The following CDKL3 variants were observed in gnomAD, a reference collection of about 807,000 sequenced individuals.
CDKL3 encodes the protein cyclin dependent kinase like 3.
CDKL3 carries 65 observed loss-of-function variants against 69.3 expected under a neutral mutation model. That is an observed-to-expected ratio of 0.94 (90% CI 0.77 to 1.15). CDKL3 has a LOEUF of 1.15. Among genes scored for constraint, CDKL3 ranks in the 50% most tolerant of loss-of-function variants. The pLI is 0.00. For missense variants in CDKL3, 652 were observed against 689.2 expected (o/e 0.95, Z 0.61); for synonymous variants, 202 against 221.6 (o/e 0.91, Z 0.79).
chr5:134,371,456 A>C (rs570353315), upstream of CDKL3: 4 of 1,025,278 alleles, frequency 3.9e-6, no homozygotes, highest in East Asian at 2.9e-5. Flanking sequence ...ACGTCATTGC[A>C]GGGTTGTTTG....
At chr5:134,362,796 G>A (rs1481484391) in intron 2 of CDKL3, among the ~76,000 whole-genome samples, 4 of 151,926 alleles carry the variant, frequency 2.6e-5, no homozygotes, top group African/African-American at 7.3e-5. Flanking sequence ...GGGCGTGGTC[G>A]TACGTGCCTG....
Position 134,308,097 on chromosome 5 carries a change from G to A in CDKL3, c.1364+41C>T, listed in dbSNP as rs780904438. The A allele has an allele frequency of 2.6e-6, 4 of 1,551,208 alleles. No individual in the cohort carries two copies. In the African/African-American group the frequency reaches 5.4e-5, roughly 21 times the overall value. ...GATTCTTTGAAATACCATTATACAG[G>A]AATGTTGTATTATTTAGGTTTCTTC... On this transcript the variant is annotated intron_variant, in intron 9 of 12. Coordinates refer to ENST00000265334, the MANE Select transcript of CDKL3 (RefSeq NM_001113575.2).
At chr5:134,351,498 C>CA (rs1561625533) in intron 3 of CDKL3, among the ~76,000 whole-genome samples, 2 of 152,182 alleles carry the variant, frequency 1.3e-5, no homozygotes, top group Non-Finnish European at 2.9e-5. Flanking sequence ...ACTGCAGCCT[C>CA]AAACTCCTGG....
At chr5:134,283,976 A>T (rs1764740048), downstream of CDKL3, among the ~76,000 whole-genome samples, 1 of 152,044 alleles carries the variant, frequency 6.6e-6, no homozygotes, top group South Asian at 2.1e-4. Context: ...CTCCAAAATG[A>T]TCTCCTTTGA....
intron 3 of CDKL3, among the ~76,000 whole-genome samples, chr5:134,351,634 T>A (rs1287737959): frequency 1.3e-5 from 2 of 151,896 alleles, no homozygotes; most frequent in Admixed American, 6.6e-5. Context: ...AATTAAAAAA[T>A]TTTTTTTGTA....
intron 3 of CDKL3, among the ~76,000 whole-genome samples, chr5:134,358,894 G>A (rs932908206): frequency 6.6e-6 from 1 of 152,132 alleles, no homozygotes; most frequent in Non-Finnish European, 1.5e-5. Flanking sequence ...GATTAGAGGT[G>A]TGAGCTACTA....
chr5:134,325,927 C>CTTTTT (rs10706943), intron 4 of CDKL3, among the ~76,000 whole-genome samples: 7 of 82,866 alleles, frequency 8.4e-5, no homozygotes, highest in Admixed American at 1.6e-4. Flanking sequence ...CCACGCCTGG[C>CTTTTT]TTTTTTTTTT....
intron 6 of CDKL3, among the ~76,000 whole-genome samples, chr5:134,317,757 T>C (rs1771567021): frequency 6.6e-6 from 1 of 152,022 alleles, no homozygotes; most frequent in Non-Finnish European, 1.5e-5. Flanking sequence ...AGAAACTCCA[T>C]CTCTACAAAA....
intron 12 of CDKL3, among the ~76,000 whole-genome samples, chr5:134,300,980 C>T (rs560671402): frequency 1.3e-5 from 2 of 151,776 alleles, no homozygotes; most frequent in African/African-American, 2.4e-5. Flanking sequence ...TATAATGAAC[C>T]GAAAGATGAC....
chr5:134,335,051 C>A (rs1203752535), intron 4 of CDKL3, among the ~76,000 whole-genome samples: 3 of 151,794 alleles, frequency 2.0e-5, no homozygotes, highest in Admixed American at 6.6e-5. Flanking sequence ...TGAATTGATC[C>A]CTTTGCCATT....
chr5:134,293,992 G>T (rs1304708270), downstream of CDKL3, among the ~76,000 whole-genome samples: 1 of 151,652 alleles, frequency 6.6e-6, no homozygotes, highest in Non-Finnish European at 1.5e-5. Flanking sequence ...CATGGCTGCA[G>T]TGACTACTTG....
chr5:134,365,549 T>G (rs767167262), intron 2 of CDKL3, among the ~76,000 whole-genome samples: 1 of 152,170 alleles, frequency 6.6e-6, no homozygotes, highest in Non-Finnish European at 1.5e-5. Context: ...AACAGACCTA[T>G]TTTTACTCTT....
intron 2 of CDKL3, 104 bp from the exon 3 acceptor site, chr5:134,360,195 G>C (rs1755672947): frequency 1.3e-6 from 1 of 798,466 alleles, no homozygotes; most frequent in Non-Finnish European, 1.9e-6. Flanking sequence ...TCTTAGCTTT[G>C]TTCCATGCAT....
intron 10 of CDKL3, among the ~76,000 whole-genome samples, chr5:134,305,774 G>T (rs1269093711): frequency 6.6e-6 from 1 of 152,112 alleles, no homozygotes; most frequent in African/African-American, 2.4e-5. Flanking sequence ...AATTAACATT[G>T]TGCTTCAATT....
downstream of CDKL3, among the ~76,000 whole-genome samples, chr5:134,297,934 G>A (rs1208074947): frequency 6.9e-6 from 1 of 144,432 alleles, no homozygotes; most frequent in African/African-American, 2.7e-5. Flanking sequence ...GTGTGTGTGT[G>A]TGTGTGTGTG....
chr5:134,369,422 A>G (rs1389200274), upstream of CDKL3, among the ~76,000 whole-genome samples: 1 of 152,150 alleles, frequency 6.6e-6, no homozygotes, highest in African/African-American at 2.4e-5. Context: ...CTCAACAGGG[A>G]AAGAGGGGGT....
intron 4 of CDKL3, among the ~76,000 whole-genome samples, chr5:134,339,079 C>T (rs1051643979): frequency 2.0e-5 from 3 of 151,360 alleles, no homozygotes; most frequent in Non-Finnish European, 2.9e-5. Flanking sequence ...TGCTTGAACC[C>T]GGAGGCAGAA....
At chr5:134,342,246 A>G (rs1380424032) in intron 4 of CDKL3, among the ~76,000 whole-genome samples, 1 of 152,246 alleles carries the variant, frequency 6.6e-6, no homozygotes. Flanking sequence ...GATACTTAAG[A>G]ATAAATTTTA....
chr5:134,350,114 G>T (rs1752898585), intron 4 of CDKL3, 135 bp downstream of exon 4: 1 of 582,540 alleles, frequency 1.7e-6, no homozygotes, highest in African/African-American at 1.9e-5. Context: ...CTTGAACCTG[G>T]GAGGTGGAGG....
Sources: allele counts gnomAD v4.1 joint callset (sites outside exome capture counted in the v4.1 genomes callset), GRCh38; gene constraint gnomAD v4.1.1; transcripts MANE v1.5; gene names NCBI Gene and HGNC (gene_info 2026-07-23, HGNC 2026-07-21).